The following ADAM2 variants were observed in gnomAD, a reference collection of about 807,000 sequenced individuals.
The protein encoded by ADAM2 is ADAM metallopeptidase domain 2.
In ADAM2, 101 loss-of-function variants were observed where a neutral mutation model predicts 99.3. The observed-to-expected ratio is 1.02, with a 90% CI of 0.87 to 1.20. ADAM2 has a LOEUF of 1.20. ADAM2 is among the 50% of genes most tolerant of loss of function. The pLI, the probability that ADAM2 is intolerant of heterozygous loss-of-function variation, is 0.00. For missense variants in ADAM2, 948 were observed against 878.7 expected (o/e 1.08, Z -1.00); for synonymous variants, 323 against 287.6 (o/e 1.12, Z -1.25).
intron 14 of ADAM2, among the ~76,000 whole-genome samples, chr8:39,765,988 T>G (rs1802552547): frequency 6.6e-6 from 1 of 152,200 alleles, no homozygotes; most frequent in South Asian, 2.1e-4. Context: ...TGTTGCTGTT[T>G]CCATATTATT....
intron 16 of ADAM2, 41 bp from the exon 17 acceptor site, chr8:39,749,785 C>T (rs368184018): frequency 2.0e-6 from 3 of 1,500,290 alleles, no homozygotes; most frequent in Non-Finnish European, 2.8e-6. Context: ...GACATGCCAT[C>T]TAGAGTTGCC....
intron 10 of ADAM2, among the ~76,000 whole-genome samples, chr8:39,783,842 C>G (rs1400093740): frequency 6.6e-6 from 1 of 151,884 alleles, no homozygotes; most frequent in Non-Finnish European, 1.5e-5. Context: ...GTCCCAGCTA[C>G]TCAGGAGGCT....
At chr8:39,814,310 G>C (rs1015925093) in intron 6 of ADAM2, among the ~76,000 whole-genome samples, 6 of 150,988 alleles carry the variant, frequency 4.0e-5, no homozygotes, top group African/African-American at 1.5e-4. Flanking sequence ...AGTGAGCCAA[G>C]ATCACACCAC....
rs762010599 is a variant in ADAM2 at position 39,824,844 on chromosome 8, A to G, written c.242T>C (p.Met81Thr). Residue 81 changes from methionine (M) to threonine (T), a missense_variant, in exon 4 of 21, where the codon ATG (methionine) becomes ACG (threonine). Physicochemically the swap from Met to Thr is moderately conservative, Grantham distance 81. Transcript: ENST00000265708. ...CTGAAAATCTTGGTCAAGTGGTTTC[A>G]TAATTCCTGTGCCACTATAACTGTA... ...RVYSYSGTGI[M>T]KPLDQDFQNF... 4 of 1,580,508 alleles carry G rather than the reference A, an allele frequency of 2.5e-6. 1 individual carries two copies. In the South Asian group the frequency reaches 4.6e-5, roughly 18 times the overall value.
chr8:39,745,160 A>G (rs1823396053), intron 19 of ADAM2, among the ~76,000 whole-genome samples: 1 of 152,188 alleles, frequency 6.6e-6, no homozygotes, highest in Non-Finnish European at 1.5e-5. Flanking sequence ...TATTCATAGT[A>G]TTATTGGTTA....
rs775795284 is a variant in ADAM2 at position 39,755,735 on chromosome 8, G to T, written c.1790C>A (p.Ser597Ter). ...GAATAAAAGACTACCTACCTTATTTGAACCACAAGAAGTTCCATCTTTTAT... is the reference window on the plus strand; with the variant it reads ...GAATAAAAGACTACCTACCTTATTTTAACCACAAGAAGTTCCATCTTTTAT... ...MWIKDGTSCG[S>*]NKVCRNQRCV... Residue 597 changes from serine (S) to a stop codon, truncating the protein, a stop_gained, in exon 16 of 21, where the codon TCA becomes TAA. Transcript: ENST00000265708. LOFTEE classifies it high-confidence loss of function. The T allele has an allele frequency of 6.2e-6, 10 of 1,610,384 alleles. No individual in the cohort carries two copies. In the South Asian group the frequency reaches 1.0e-4, roughly 16 times the overall value.
At chr8:39,829,091 G>A (rs1365984381) in intron 3 of ADAM2, among the ~76,000 whole-genome samples, 1 of 151,768 alleles carries the variant, frequency 6.6e-6, no homozygotes, top group East Asian at 1.9e-4. Flanking sequence ...AACTAAATTG[G>A]TTGTCTACCT....
intron 7 of ADAM2, among the ~76,000 whole-genome samples, chr8:39,799,956 C>A (rs1297659642): frequency 6.6e-6 from 1 of 152,148 alleles, no homozygotes; most frequent in African/African-American, 2.4e-5. Flanking sequence ...TACAGCACAC[C>A]AATGAGTCCT....
chr8:39,776,086 C>T (rs1047500026), intron 11 of ADAM2, among the ~76,000 whole-genome samples: 2 of 152,096 alleles, frequency 1.3e-5, no homozygotes, highest in African/African-American at 4.8e-5. Context: ...ATCACAAGAA[C>T]CAAAGACAAG....
At chr8:39,820,859 A>C in intron 6 of ADAM2, 143 bp downstream of exon 6, 1 of 485,286 alleles carries the variant, frequency 2.1e-6, no homozygotes, top group Non-Finnish European at 3.6e-6. Context: ...TAAGTTATGA[A>C]GTTTCTGGTA....
At chr8:39,777,480 G>A (rs1803037640) in intron 10 of ADAM2, among the ~76,000 whole-genome samples, 1 of 151,942 alleles carries the variant, frequency 6.6e-6, no homozygotes, top group South Asian at 2.1e-4. Context: ...AAAGATAAAT[G>A]CATAGAAAAA....
intron 7 of ADAM2, among the ~76,000 whole-genome samples, chr8:39,804,226 G>T (rs146127196): frequency 9.2e-5 from 14 of 152,268 alleles, no homozygotes; most frequent in African/African-American, 3.4e-4. Context: ...GTGCTTTATT[G>T]CAGTTGTGAA....
intron 7 of ADAM2, among the ~76,000 whole-genome samples, chr8:39,794,869 G>A (rs1000647507): frequency 6.6e-6 from 1 of 152,048 alleles, no homozygotes; most frequent in Non-Finnish European, 1.5e-5. Context: ...TGTCTGAGGG[G>A]TTTTGTCTGC....
At chr8:39,799,307 T>C (rs1290651233) in intron 7 of ADAM2, among the ~76,000 whole-genome samples, 1 of 152,232 alleles carries the variant, frequency 6.6e-6, no homozygotes. Context: ...CCAGTAGTCA[T>C]TCAGGAACAG....
chr8:39,832,214 T>C (rs1485410257), intron 3 of ADAM2, among the ~76,000 whole-genome samples: 1 of 152,178 alleles, frequency 6.6e-6, no homozygotes, highest in East Asian at 1.9e-4. Flanking sequence ...AATGGTCATG[T>C]TGCCAGGAAA....
intron 2 of ADAM2, among the ~76,000 whole-genome samples, chr8:39,835,887 G>A (rs552630425): frequency 8.5e-5 from 13 of 152,078 alleles, no homozygotes; most frequent in African/African-American, 3.1e-4. Context: ...TGCTAATTGT[G>A]TATTTAACTC....
intron 16 of ADAM2, among the ~76,000 whole-genome samples, chr8:39,752,755 TAGTG>T (rs1353384181): frequency 2.0e-5 from 3 of 152,106 alleles, no homozygotes; most frequent in Admixed American, 6.5e-5. Context: ...GGTCTCCTGA[TAGTG>T]AGTAAGTCTC....
chr8:39,760,656 A>G (rs1260588367), intron 15 of ADAM2, among the ~76,000 whole-genome samples: 2 of 151,854 alleles, frequency 1.3e-5, no homozygotes, highest in African/African-American at 2.4e-5. Flanking sequence ...GGGAGGCGGA[A>G]CTTGCAGTGA....
intron 11 of ADAM2, among the ~76,000 whole-genome samples, chr8:39,775,377 T>A (rs903064728): frequency 6.6e-6 from 1 of 152,150 alleles, no homozygotes; most frequent in Non-Finnish European, 1.5e-5. Flanking sequence ...TGTCTTTAAA[T>A]GTCCAGTTTT....
Sources: gnomAD v4.1 joint callset for allele counts (sites outside exome capture counted in the v4.1 genomes callset) on GRCh38, gnomAD v4.1.1 for gene constraint, MANE v1.5 for transcripts, NCBI Gene and HGNC (gene_info 2026-07-23, HGNC 2026-07-21) for gene names.